ATP10B: variants seen among roughly 807,000 people sequenced by gnomAD.
ATP10B encodes ATPase phospholipid transporting 10B (putative).
A neutral mutation model predicts 141.2 loss-of-function variants in ATP10B; 122 were observed. The observed-to-expected ratio is 0.86, with a 90% CI of 0.75 to 1.00. The LOEUF is 1.00. Ranked by LOEUF, ATP10B falls within the 50% of genes least tolerant of loss-of-function variation. The pLI is 0.00. For synonymous variants in ATP10B, 685 were observed against 692.0 expected (o/e 0.99, Z 0.16); for missense variants, 1,876 against 1,825.3 (o/e 1.03, Z -0.51).
At chr5:160,895,501 A>G in the ATP10B span, among the ~76,000 whole-genome samples, 2 of 152,234 alleles carry the variant, frequency 1.3e-5, no homozygotes, top group African/African-American at 4.8e-5. Flanking sequence ...AGAGCTAACT[A>G]TCCTAAACAT....
At chr5:160,814,653 C>T (rs775327864) in intron 1 of ATP10B, among the ~76,000 whole-genome samples, 4 of 151,866 alleles carry the variant, frequency 2.6e-5, no homozygotes, top group South Asian at 4.2e-4. Context: ...AGATACTCCA[C>T]GAGAAGAGCA....
intron 8 of ATP10B, among the ~76,000 whole-genome samples, chr5:160,644,729 C>G (rs981352141): frequency 6.6e-6 from 1 of 152,096 alleles, no homozygotes; most frequent in African/African-American, 2.4e-5. Flanking sequence ...AGGGGAGAAA[C>G]CTTCAGCTCT....
At chr5:160,747,668 G>A (rs190704331) in intron 2 of ATP10B, among the ~76,000 whole-genome samples, 15 of 152,234 alleles carry the variant, frequency 9.9e-5, no homozygotes, top group South Asian at 2.1e-4. Context: ...TTCAGAGGGG[G>A]CATGGTCCTG....
intron 12 of ATP10B, 165 bp downstream of exon 12, chr5:160,634,189 C>A (rs1759166406): frequency 2.1e-6 from 2 of 941,252 alleles, no homozygotes; most frequent in Non-Finnish European, 3.5e-6. Context: ...ATTGGAACAG[C>A]CCTGATCTGT....
chr5:160,831,905 A>T (rs1475421924), intron 1 of ATP10B, among the ~76,000 whole-genome samples: 1 of 152,140 alleles, frequency 6.6e-6, no homozygotes, highest in African/African-American at 2.4e-5. Flanking sequence ...GGCTTCCCAG[A>T]GTCTCTATCT....
intron 1 of ATP10B, among the ~76,000 whole-genome samples, chr5:160,795,741 C>T (rs1771903149): frequency 6.6e-6 from 1 of 151,756 alleles, no homozygotes; most frequent in Non-Finnish European, 1.5e-5. Context: ...GCAACGCGAC[C>T]ACAGAAACAG....
At chr5:160,763,693 T>C (rs1461278295) in intron 2 of ATP10B, among the ~76,000 whole-genome samples, 1 of 151,628 alleles carries the variant, frequency 6.6e-6, no homozygotes, top group East Asian at 1.9e-4. Context: ...CCCATCAGAA[T>C]AGAAATAGCA....
intron 1 of ATP10B, among the ~76,000 whole-genome samples, chr5:160,813,660 G>C (rs901773351): frequency 6.6e-6 from 1 of 152,240 alleles, no homozygotes; most frequent in Non-Finnish European, 1.5e-5. Flanking sequence ...CGCAGCTGGA[G>C]ATCTGAGAAC....
chr5:160,774,011 TCTC>T (rs1279484622), intron 2 of ATP10B, among the ~76,000 whole-genome samples: 3 of 152,170 alleles, frequency 2.0e-5, no homozygotes, highest in African/African-American at 4.8e-5. Flanking sequence ...TAAATTTTCT[TCTC>T]CTCTGTTTAT....
chr5:160,630,368 C>G (rs1394050573), intron 13 of ATP10B, among the ~76,000 whole-genome samples: 1 of 152,128 alleles, frequency 6.6e-6, no homozygotes, highest in Non-Finnish European at 1.5e-5. Context: ...CTGCCTGGAC[C>G]AGGGATGCAG....
At chr5:160,660,975 T>C (rs1761870554) in intron 7 of ATP10B, among the ~76,000 whole-genome samples, 1 of 152,050 alleles carries the variant, frequency 6.6e-6, no homozygotes, top group South Asian at 2.1e-4. Context: ...TCAACTGAGG[T>C]TGGGAGTTTA....
intron 2 of ATP10B, among the ~76,000 whole-genome samples, chr5:160,778,388 G>A (rs1411383259): frequency 1.3e-5 from 2 of 152,178 alleles, no homozygotes; most frequent in Non-Finnish European, 2.9e-5. Flanking sequence ...GAGATTTGAT[G>A]ACACAAAGTG....
chr5:160,620,237 G>A lies in ATP10B; in HGVS notation c.2416+110C>T. 2.9e-6 allele frequency: 4 copies of A among 1,374,846 alleles called. No homozygotes were observed. The East Asian group carries it at 9.3e-5, about 32-fold the overall frequency. The allele number at this position is 1,374,846 out of a possible 1,614,324, so 85.2% of individuals were successfully genotyped here. On this transcript the variant is annotated intron_variant, in intron 15 of 25. Transcript: ENST00000327245. ...TCTTGTAGGTCTGTATTCCAGTTGG[G>A]ACCTGCCATACCAGGTGACACTACA...
intron 2 of ATP10B, among the ~76,000 whole-genome samples, chr5:160,726,258 A>C (rs1399436826): frequency 6.6e-6 from 1 of 152,166 alleles, no homozygotes; most frequent in Non-Finnish European, 1.5e-5. Flanking sequence ...TTTTCTTAGG[A>C]AAGTTGCCTG....
intron 3 of ATP10B, among the ~76,000 whole-genome samples, chr5:160,703,208 C>T (rs1342004661): frequency 3.9e-5 from 6 of 151,946 alleles, no homozygotes; most frequent in Non-Finnish European, 8.8e-5. Context: ...TACATATAGG[C>T]GTAACTCGGA....
At chr5:160,654,518 T>A (rs1256974666) in intron 7 of ATP10B, among the ~76,000 whole-genome samples, 1 of 152,140 alleles carries the variant, frequency 6.6e-6, no homozygotes, top group Non-Finnish European at 1.5e-5. Context: ...TCTCTGCAGC[T>A]CTTTAGGTCA....
rs1257595825 is a variant in ATP10B at position 160,615,857 on chromosome 5, C to T, written c.2634G>A (p.Glu878=). The change falls in exon 17 of 26, where the codon GAG becomes GAA. Residue 878 remains glutamate, a synonymous_variant. Coordinates refer to ENST00000327245, the MANE Select transcript of ATP10B (RefSeq NM_025153.3). The part of the protein sequence containing the change: ...ELLMETAQHL[E]NQLTLLGATG... ...AGCTACCAAGTAAGGTGAGTTGATT[C>T]TCCAGATGCTGTGCAGTTTCCATGA... 6.8e-6 allele frequency: 11 copies of T among 1,612,800 alleles called. No individual in the cohort carries two copies. Among genetic ancestry groups the T allele is most frequent in the Non-Finnish European group, 9.3e-6 (11 of 1,179,034 alleles).
chr5:160,649,110 C>G, intron 8 of ATP10B, 61 bp downstream of exon 8: 1 of 1,238,290 alleles, frequency 8.1e-7, no homozygotes, highest in African/African-American at 1.5e-5. Context: ...CATTTCTAGA[C>G]AATATATTTT....
intron 2 of ATP10B, among the ~76,000 whole-genome samples, chr5:160,720,815 A>G (rs1298537434): frequency 1.3e-5 from 2 of 152,222 alleles, no homozygotes; most frequent in African/African-American, 4.8e-5. Context: ...CTTGGTCAGC[A>G]CTGTAGCTTT....
Sources: allele counts gnomAD v4.1 joint callset (sites outside exome capture counted in the v4.1 genomes callset), GRCh38; gene constraint gnomAD v4.1.1; transcripts MANE v1.5; gene names NCBI Gene and HGNC (gene_info 2026-07-23, HGNC 2026-07-21).